The following TAS2R1 variants were observed in gnomAD, a reference collection of about 807,000 sequenced individuals.
The protein encoded by TAS2R1 is taste 2 receptor member 1, also known as taste receptor type 2 member 1.
For synonymous variants in TAS2R1, 141 were observed against 134.2 expected, an observed-to-expected ratio of 1.05 and a Z score of -0.35; for missense variants, 370 against 353.4, an observed-to-expected ratio of 1.05 and a Z score of -0.38.
At chr5:9,886,037 T>TC in the TAS2R1 span, among the ~76,000 whole-genome samples, 1 of 151,088 alleles carries the variant, frequency 6.6e-6, no homozygotes. Flanking sequence ...ATAATTCTTT[T>TC]TTTTTTTTTT....
At chr5:9,881,633 C>G in the TAS2R1 span, among the ~76,000 whole-genome samples, 2 of 152,194 alleles carry the variant, frequency 1.3e-5, no homozygotes, top group African/African-American at 4.8e-5. Flanking sequence ...GTAACCAAAA[C>G]AGTATGGTAC....
chr5:9,776,539 T>C, the TAS2R1 span, among the ~76,000 whole-genome samples: 1 of 152,340 alleles, frequency 6.6e-6, no homozygotes, highest in Non-Finnish European at 1.5e-5. Flanking sequence ...CATCTTCTCC[T>C]GCCTCCTCTC....
the TAS2R1 span, among the ~76,000 whole-genome samples, chr5:9,888,720 T>A: frequency 6.6e-6 from 1 of 151,896 alleles, no homozygotes; most frequent in Non-Finnish European, 1.5e-5. Flanking sequence ...ACAACTAGGA[T>A]AAATGCTCCA....
the TAS2R1 span, among the ~76,000 whole-genome samples, chr5:9,805,927 C>A: frequency 6.6e-6 from 1 of 152,112 alleles, no homozygotes; most frequent in Middle Eastern, 3.4e-3. Context: ...AAATTAAGGA[C>A]ATCCAGGTCA....
chr5:9,712,127 T>A (rs922098718), intron 1 of TAS2R1: 5 of 152,194 alleles, frequency 3.3e-5, no homozygotes, highest in African/African-American at 1.2e-4. Flanking sequence ...GTAAACAAAG[T>A]GTCTAACAAC....
At chr5:9,814,495 TC>T in the TAS2R1 span, among the ~76,000 whole-genome samples, 2 of 152,194 alleles carry the variant, frequency 1.3e-5, no homozygotes, top group Non-Finnish European at 2.9e-5. Flanking sequence ...ATCCAGATAT[TC>T]CATGAAAGTT....
chr5:9,865,429 C>T, the TAS2R1 span, among the ~76,000 whole-genome samples: 16 of 152,296 alleles, frequency 1.1e-4, no homozygotes, highest in South Asian at 6.2e-4. Context: ...GTATGTTAAA[C>T]ATCTCAATGC....
At chr5:9,801,686 G>A in the TAS2R1 span, among the ~76,000 whole-genome samples, 2 of 152,186 alleles carry the variant, frequency 1.3e-5, no homozygotes, top group Non-Finnish European at 1.5e-5. Context: ...CTGTTGTGGG[G>A]CACAGTGGGA....
the TAS2R1 span, among the ~76,000 whole-genome samples, chr5:9,752,254 G>C: frequency 6.6e-6 from 1 of 152,306 alleles, no homozygotes; most frequent in Admixed American, 6.5e-5. Flanking sequence ...ATTCTTATAA[G>C]AACTTGTGAG....
intron 1 of TAS2R1, chr5:9,660,128 G>A (rs1198744093): frequency 1.4e-5 from 2 of 145,808 alleles, no homozygotes; most frequent in East Asian, 2.0e-4. Flanking sequence ...GCGCGATCTC[G>A]GCTCACTGCA....
At position 9,642,441 on chromosome 5, in the gene TAS2R1, C is replaced by T. The variant is rs116128033; in HGVS notation, c.-80-12449G>A. Reference sequence around the variant, plus strand: ...TCTGAATCTTCCCGATAGCAGAGCTCGGCCCTTGTAAAGCCTATTTGGAAT... The same window carrying T: ...TCTGAATCTTCCCGATAGCAGAGCTTGGCCCTTGTAAAGCCTATTTGGAAT... On this transcript the variant is annotated intron_variant, in intron 2 of 2. Transcript: ENST00000506620. 7.0e-3 allele frequency among the ~76,000 whole-genome samples: 1,063 copies of T among 152,264 alleles called. 7 individuals are homozygous for T. The highest frequency in any genetic ancestry group is 0.024 in the African/African-American group (977 of 41,546).
the TAS2R1 span, among the ~76,000 whole-genome samples, chr5:9,749,745 GAAC>G: frequency 6.6e-6 from 1 of 152,170 alleles, no homozygotes; most frequent in Non-Finnish European, 1.5e-5. Context: ...CAAGTACAAA[GAAC>G]AACAAAATCA....
the TAS2R1 span, among the ~76,000 whole-genome samples, chr5:9,869,032 A>C: frequency 6.6e-6 from 1 of 152,184 alleles, no homozygotes; most frequent in East Asian, 1.9e-4. Flanking sequence ...AAACTTTCCC[A>C]CATCTTCCTG....
intron 1 of TAS2R1, among the ~76,000 whole-genome samples, chr5:9,707,447 C>A (rs41472): frequency 0.19 from 28,208 of 152,232 alleles, 3,293 homozygotes; most frequent in Admixed American, 0.32. Context: ...GAAGAAAACA[C>A]ACAGCCAGAG....
intron 1 of TAS2R1, among the ~76,000 whole-genome samples, chr5:9,708,010 G>T (rs1323330987): frequency 6.6e-6 from 1 of 152,154 alleles, no homozygotes; most frequent in Non-Finnish European, 1.5e-5. Context: ...AGCGTTTAAT[G>T]AAAGTGAGGA....
chr5:9,640,537 C>T (rs988570706), intron 2 of TAS2R1, among the ~76,000 whole-genome samples: 1 of 104,358 alleles, frequency 9.6e-6, no homozygotes, highest in African/African-American at 3.6e-5. Context: ...ACCTGTAAAG[C>T]ACAACAAAGT....
At chr5:9,867,447 A>G in the TAS2R1 span, among the ~76,000 whole-genome samples, 4 of 152,110 alleles carry the variant, frequency 2.6e-5, no homozygotes, top group Admixed American at 1.3e-4. Flanking sequence ...GAAAGAGTGT[A>G]TGCAAGGGAT....
Position 9,671,405 on chromosome 5 carries a change from C to T in TAS2R1, c.-241-11824G>A, listed in dbSNP as rs566034599. Among the ~76,000 whole-genome samples the T allele has an allele frequency of 2.0e-5, 3 of 152,278 alleles. No homozygotes were observed. The South Asian group carries it at 6.2e-4, about 32-fold the overall frequency. The stretch of plus-strand genomic sequence containing the variant: ...ACCTAGAAAATCCCATAGTCCCTGA[C>T]CGAAGCTTCTAGATATGATAAACAA... On this transcript the variant is annotated intron_variant, in intron 1 of 2. Coordinates refer to the TAS2R1 transcript ENST00000506620.
chr5:9,844,052 C>T, the TAS2R1 span, among the ~76,000 whole-genome samples: 2 of 152,082 alleles, frequency 1.3e-5, no homozygotes, highest in Non-Finnish European at 1.5e-5. Context: ...AAGACAGAAT[C>T]CTACATAATG....
Sources: gnomAD v4.1 joint callset for allele counts (sites outside exome capture counted in the v4.1 genomes callset) on GRCh38, gnomAD v4.1.1 for gene constraint, MANE v1.5 for transcripts, NCBI Gene and HGNC (gene_info 2026-07-23, HGNC 2026-07-21) for gene names.